The following PCDHGA2 variants were observed in gnomAD, a reference collection of about 807,000 sequenced individuals.
PCDHGA2 encodes protocadherin gamma subfamily A, 2.
A neutral mutation model predicts 59.2 loss-of-function variants in PCDHGA2; 40 were observed. That is an observed-to-expected ratio of 0.68 (90% CI 0.52 to 0.88). PCDHGA2 has a LOEUF of 0.88. PCDHGA2 is among the 40% of genes least tolerant of loss of function. PCDHGA2 has a pLI of 0.00. For synonymous variants in PCDHGA2, 560 were observed against 526.0 expected (o/e 1.06, Z -0.89); for missense variants, 1,226 against 1,204.0 (o/e 1.02, Z -0.27).
chr5:141,491,178 C>T lies in PCDHGA2; in HGVS notation c.2425-3629C>T, dbSNP rs774139827. 6.2e-7 allele frequency: 1 copy of T among 1,614,146 alleles called. No individual in the cohort carries two copies. The highest frequency in any genetic ancestry group is 8.5e-7 in the Non-Finnish European group (1 of 1,179,992). On this transcript the variant is annotated intron_variant, in intron 1 of 3. Coordinates refer to ENST00000394576, the MANE Select transcript of PCDHGA2 (RefSeq NM_018915.4). The surrounding 1 kb of genome is among the most constrained non-coding windows in gnomAD (Gnocchi z 6.9). ...ACTCTGACACCCAGCAGGTGGTGGT[C>T]CTGGTGAGGGACAATGGTGACCCTT...
At chr5:141,415,116 A>T in intron 1 of PCDHGA2, 1 of 1,613,652 alleles carries the variant, frequency 6.2e-7, no homozygotes, top group Non-Finnish European at 8.5e-7. Flanking sequence ...AAAGCCTCGT[A>T]GTGGCCGTCC....
intron 1 of PCDHGA2, chr5:141,390,389 G>C: frequency 7.1e-7 from 1 of 1,405,538 alleles, no homozygotes; most frequent in Non-Finnish European, 9.7e-7. Context: ...AGATGTCATG[G>C]ATCATTTTAG....
At chr5:141,384,666 C>T in intron 1 of PCDHGA2, 1 of 1,614,220 alleles carries the variant, frequency 6.2e-7, no homozygotes, top group Non-Finnish European at 8.5e-7. Flanking sequence ...ACCTGGTGAC[C>T]AAGGTGGTGG....
rs777487681 is a variant in PCDHGA2, at chr5:141,432,809, T to C, written c.2425-61998T>C. 2.5e-6 allele frequency: 4 copies of C among 1,613,280 alleles called. No individual in the cohort carries two copies. In the African/African-American group the frequency reaches 5.4e-5, roughly 22 times the overall value. The stretch of plus-strand genomic sequence containing the variant: ...CGGCAGCCTCGAGTCTCCAGCTAAC[T>C]CTGAAACCTCAGACCTCACTCTGTA... On this transcript the variant is annotated intron_variant, in intron 1 of 3. Coordinates refer to ENST00000394576, the MANE Select transcript of PCDHGA2 (RefSeq NM_018915.4). The surrounding 1 kb of genome is among the most constrained non-coding windows in gnomAD (Gnocchi z 6.0).
At position 141,340,824 on chromosome 5, in the gene PCDHGA2, C is replaced by T. The variant is rs776431934; in HGVS notation, c.1853C>T (p.Ser618Leu). 1.2e-6 allele frequency: 2 copies of T among 1,613,730 alleles called. No individual in the cohort carries two copies. The highest frequency in any genetic ancestry group is 1.7e-5 in the Admixed American group (1 of 60,006). The change falls in exon 1 of 4, where the codon TCG (serine) becomes TTG (leucine). Residue 618 changes from serine (S) to leucine (L), a missense_variant. Physicochemically the swap from Ser to Leu is moderately radical, Grantham distance 145. Transcript: ENST00000394576. ...LLKASEPGLFSVGLHTGEVRT... is the reference protein window; with the variant it reads ...LLKASEPGLFLVGLHTGEVRT... ...AAGGCCAGCGAGCCGGGACTCTTCT[C>T]GGTGGGTCTGCACACGGGCGAGGTG...
chr5:141,463,535 G>A (rs1178825067), intron 1 of PCDHGA2, among the ~76,000 whole-genome samples: 4 of 137,928 alleles, frequency 2.9e-5, no homozygotes, highest in East Asian at 2.3e-4. Context: ...TAGAAACTCC[G>A]GCTCCCGGGT....
intron 1 of PCDHGA2, chr5:141,350,890 T>G (rs1196284967): frequency 3.7e-6 from 6 of 1,613,946 alleles, no homozygotes; most frequent in Non-Finnish European, 5.1e-6. Flanking sequence ...TAATCCTGAC[T>G]GCCATGGATG....
At chr5:141,428,882 T>C in intron 1 of PCDHGA2, 1 of 151,216 alleles carries the variant, frequency 6.6e-6, no homozygotes, top group African/African-American at 2.4e-5. Context: ...TTGGACGGAG[T>C]CTCGCTCTGT....
At chr5:141,365,959 C>A in intron 1 of PCDHGA2, 1 of 1,614,262 alleles carries the variant, frequency 6.2e-7, no homozygotes, top group Non-Finnish European at 8.5e-7. Context: ...CTCCACTTAG[C>A]AGCAACGTGT....
At chr5:141,351,464 A>C (rs906251737) in intron 1 of PCDHGA2, 5 of 1,613,718 alleles carry the variant, frequency 3.1e-6, no homozygotes, top group Non-Finnish European at 4.2e-6. Flanking sequence ...CAAGCTGGTG[A>C]TTGCTGGAGC....
chr5:141,488,497 C>T (rs1054409265), intron 1 of PCDHGA2, among the ~76,000 whole-genome samples: 3 of 152,204 alleles, frequency 2.0e-5, no homozygotes, highest in South Asian at 2.1e-4. Flanking sequence ...CTGTAACACT[C>T]ATTCCACATT....
rs1252640351 is a variant in PCDHGA2, at chr5:141,347,133, T to TTCTC, written c.2424+5742_2424+5745dup. On this transcript the variant is annotated intron_variant, in intron 1 of 3. Coordinates refer to ENST00000394576, the MANE Select transcript of PCDHGA2 (RefSeq NM_018915.4). ...TTTCCTCCTTCCTTCCTTCCTCTGT[T>TTCTC]TCTCTCTTTCTTTCTTTCTTTCTTT... Among the ~76,000 whole-genome samples the TTCTC allele has an allele frequency of 7.5e-5, 10 of 134,130 alleles. No individual in the cohort carries two copies. In the South Asian group the frequency reaches 2.0e-3, roughly 27 times the overall value. The allele number at this position is 134,130 out of a possible 152,430, so 88.0% of individuals were successfully genotyped here.
rs779792543 is a variant in PCDHGA2 at position 141,486,994 on chromosome 5, C to T, written c.2425-7813C>T. ...ATTCAGGTTACAATGCTTGGGTTTCCTATCAGCTCCTGGAGGCCCCAGATC... is the reference window on the plus strand; with the variant it reads ...ATTCAGGTTACAATGCTTGGGTTTCTTATCAGCTCCTGGAGGCCCCAGATC... On this transcript the variant is annotated intron_variant, in intron 1 of 3. Coordinates refer to ENST00000394576, the MANE Select transcript of PCDHGA2 (RefSeq NM_018915.4). This position sits in a 1 kb window ranked among gnomAD's most constrained non-coding sequence, Gnocchi z 5.0. The T allele has an allele frequency of 6.2e-7, 1 of 1,614,214 alleles. No individual in the cohort carries two copies. The highest frequency in any genetic ancestry group is 8.5e-7 in the Non-Finnish European group (1 of 1,180,034).
intron 1 of PCDHGA2, chr5:141,410,849 C>CTTTTTTTTTTTTTTTTTTGTTTTTTTT (rs2095435748): frequency 1.5e-5 from 2 of 129,786 alleles, no homozygotes; most frequent in Non-Finnish European, 2.6e-5. Context: ...TTGTCTTTGT[C>CTTTTTTTTTTTTTTTTTTGTTTTTTTT]TTTTTTTTTT....
At chr5:141,413,626 G>T (rs757785567) in intron 1 of PCDHGA2, 24 of 1,613,680 alleles carry the variant, frequency 1.5e-5, no homozygotes, top group Non-Finnish European at 1.7e-5. Context: ...TGAAAATGTC[G>T]CTGCGGGAAT....
rs2099684984 is a variant in PCDHGA2 at position 141,489,278 on chromosome 5, G to A, written c.2425-5529G>A. ...ACACTCCCACAGCTCGCTGGGAAAT[G>A]GCAAGTGCTGTGCATGTTGTCCTTG... is the stretch of plus-strand genomic sequence containing the variant. On this transcript the variant is annotated intron_variant, in intron 1 of 3. Transcript: ENST00000394576. The surrounding 1 kb of genome is among the most constrained non-coding windows in gnomAD (Gnocchi z 4.5). The A allele has an allele frequency of 6.4e-7, 1 of 1,561,298 alleles. No homozygotes were observed. The highest frequency in any genetic ancestry group is 2.2e-5 in the East Asian group (1 of 44,520).
At chr5:141,375,248 A>G (rs1487300196) in intron 1 of PCDHGA2, 2 of 1,613,948 alleles carry the variant, frequency 1.2e-6, no homozygotes, top group South Asian at 2.2e-5. Flanking sequence ...CATCCCGAGA[A>G]GTCTCCCATT....
intron 1 of PCDHGA2, among the ~76,000 whole-genome samples, chr5:141,464,454 A>G (rs999305559): frequency 6.6e-6 from 1 of 151,542 alleles, no homozygotes; most frequent in Non-Finnish European, 1.5e-5. Context: ...TGTTGTTGTT[A>G]TTTTTGAAGT....
intron 1 of PCDHGA2, among the ~76,000 whole-genome samples, chr5:141,347,112 C>T (rs56165464): frequency 1.7e-4 from 14 of 81,006 alleles, no homozygotes; most frequent in South Asian, 3.4e-4. Flanking sequence ...TCTCTCTTTC[C>T]TCCTTCCTTC....
Sources: gnomAD v4.1 joint callset for allele counts (sites outside exome capture counted in the v4.1 genomes callset) on GRCh38, gnomAD v4.1.1 for gene constraint, Gnocchi (gnomAD v3.1) non-coding constraint, MANE v1.5 for transcripts, NCBI Gene and HGNC (gene_info 2026-07-23, HGNC 2026-07-21) for gene names.